The following NMRK1 variants were observed in gnomAD, a reference collection of about 807,000 sequenced individuals.
The protein encoded by NMRK1 is nicotinamide riboside kinase 1, also known as NRK 1.
NMRK1 carries 28 observed loss-of-function variants against 29.9 expected under a neutral mutation model. That is an observed-to-expected ratio of 0.94 (90% CI 0.69 to 1.28). The LOEUF (loss-of-function observed/expected upper bound fraction) is 1.28. Among genes scored for constraint, NMRK1 ranks in the 50% most tolerant of loss-of-function variants. The pLI is 0.00. For missense variants in NMRK1, 218 were observed against 233.1 expected, an observed-to-expected ratio of 0.94 and a Z score of 0.42; for synonymous variants, 58 against 73.0, an observed-to-expected ratio of 0.79 and a Z score of 1.05.
chr9:75,072,887 T>C (rs1823777901), intron 4 of NMRK1, among the ~76,000 whole-genome samples: 1 of 152,216 alleles, frequency 6.6e-6, no homozygotes, highest in African/African-American at 2.4e-5. Context: ...ATTCTGCTGT[T>C]ATTAGGTGCA....
intron 4 of NMRK1, among the ~76,000 whole-genome samples, chr9:75,073,921 C>T (rs971251379): frequency 1.4e-4 from 22 of 152,284 alleles, no homozygotes; most frequent in Middle Eastern, 3.4e-3. Context: ...CTCAGTAATA[C>T]TCAGCCTTAA....
intron 1 of NMRK1, among the ~76,000 whole-genome samples, chr9:75,085,297 C>T (rs1441197311): frequency 5.9e-5 from 9 of 152,148 alleles, no homozygotes; most frequent in Non-Finnish European, 1.2e-4. Context: ...GAGCAATTTG[C>T]CTAAGGTCAC....
chr9:75,071,306 T>C (rs1457132603), intron 4 of NMRK1, among the ~76,000 whole-genome samples: 1 of 152,252 alleles, frequency 6.6e-6, no homozygotes, highest in Non-Finnish European at 1.5e-5. Flanking sequence ...AAATTTTGGT[T>C]AATGTATTTT....
chr9:75,074,501 C>T (rs1468041502), intron 4 of NMRK1, among the ~76,000 whole-genome samples: 1 of 152,116 alleles, frequency 6.6e-6, no homozygotes, highest in Non-Finnish European at 1.5e-5. Flanking sequence ...AGCCTCTCGC[C>T]TCAGTCTCCT....
intron 4 of NMRK1, among the ~76,000 whole-genome samples, chr9:75,073,296 G>A (rs1023811137): frequency 2.6e-5 from 4 of 152,226 alleles, no homozygotes; most frequent in African/African-American, 9.6e-5. Context: ...CTCCCTCACA[G>A]CCTCAGAGGG....
intron 8 of NMRK1, among the ~76,000 whole-genome samples, chr9:75,066,103 G>C (rs2376396): frequency 0.14 from 20,946 of 152,090 alleles, 1,793 homozygotes; most frequent in Non-Finnish European, 0.19. Context: ...TGTGAAAAAC[G>C]AGACCTTGGT....
At chr9:75,076,997 A>G (rs1824027756) in intron 4 of NMRK1, among the ~76,000 whole-genome samples, 162 bp downstream of exon 4, 1 of 152,242 alleles carries the variant, frequency 6.6e-6, no homozygotes, top group African/African-American at 2.4e-5. Flanking sequence ...AAGTACAACA[A>G]TATATTTAAA....
At chr9:75,085,937 G>T in intron 1 of NMRK1, among the ~76,000 whole-genome samples, 1 of 98,194 alleles carries the variant, frequency 1.0e-5, no homozygotes, top group Non-Finnish European at 1.9e-5. Context: ...GGGCGGGGTG[G>T]GGGGTGGGCC....
Position 75,061,359 on chromosome 9 carries a change from T to G in NMRK1, c.*189A>C. On this transcript the variant is annotated 3_prime_UTR_variant, in exon 9 of 9. Coordinates refer to ENST00000361092, the MANE Select transcript of NMRK1 (RefSeq NM_017881.3). ...CTGGAGAGGGAGCAACTTGCTAAGG[T>G]ACAGTCCTGTCCATTGGCATGGATA... The G allele has an allele frequency of 1.7e-6, 1 of 581,038 alleles. No homozygotes were observed. The highest frequency in any genetic ancestry group is 3.0e-6 in the Non-Finnish European group (1 of 329,254). The allele number at this position is 581,038 out of a possible 1,614,324, so 36.0% of individuals were successfully genotyped here. A position where few individuals can be genotyped will look rare whatever the true frequency, so the allele number is the denominator to read the frequency against.
At chr9:75,071,693 G>C (rs994013496) in intron 4 of NMRK1, among the ~76,000 whole-genome samples, 1 of 152,136 alleles carries the variant, frequency 6.6e-6, no homozygotes, top group Non-Finnish European at 1.5e-5. Context: ...CTTCCTGCTA[G>C]GCCCTGCTGA....
chr9:75,077,103 G>T, intron 4 of NMRK1, 56 bp downstream of exon 4: 5 of 1,100,514 alleles, frequency 4.5e-6, no homozygotes, highest in Non-Finnish European at 6.8e-6. Flanking sequence ...AGTTCTTTGG[G>T]TTTGAAAAAG....
At chr9:75,081,470 G>C (rs1753967891) in intron 2 of NMRK1, among the ~76,000 whole-genome samples, 1 of 152,210 alleles carries the variant, frequency 6.6e-6, no homozygotes, top group South Asian at 2.1e-4. Flanking sequence ...CTAAATAAAA[G>C]ATAGTGGAAA....
intron 4 of NMRK1, among the ~76,000 whole-genome samples, chr9:75,070,767 T>G (rs953867038): frequency 3.6e-4 from 55 of 152,360 alleles, no homozygotes; most frequent in African/African-American, 1.3e-3. Context: ...GATTAATTTA[T>G]TTAATAGACA....
intron 8 of NMRK1, 124 bp from the exon 9 acceptor site, chr9:75,061,691 G>T: frequency 1.3e-6 from 1 of 748,058 alleles, no homozygotes; most frequent in South Asian, 1.8e-5. Flanking sequence ...CAAAAATGCT[G>T]GTTTCCTGTA....
chr9:75,069,975 G>C lies in NMRK1; in HGVS notation c.237C>G (p.His79Gln). 2 of 1,613,938 alleles carry C rather than the reference G, an allele frequency of 1.2e-6. No individual in the cohort carries two copies. The highest frequency in any genetic ancestry group is 2.2e-5 in the South Asian group (2 of 91,050). ...AISCWMESAR[H>Q]SVVSTDQESA... ...TTTCCTGGTCTGTTGATACCACAGA[G>C]TGTCTTGCGCTTTCCATCCAGCAGG... is the stretch of plus-strand genomic sequence containing the variant. Residue 79 changes from histidine to glutamine, a missense_variant, in exon 5 of 9, where the codon CAC (histidine) becomes CAG (glutamine). By Grantham distance (24) the His-to-Gln change is conservative. Coordinates refer to ENST00000361092, the MANE Select transcript of NMRK1 (RefSeq NM_017881.3).
In NMRK1 at chr9:75,061,484, G is replaced by A. The variant is rs1208863130; in HGVS notation, c.*64C>T. 4 of 1,258,830 alleles carry A rather than the reference G, an allele frequency of 3.2e-6. No homozygotes were observed. Among genetic ancestry groups the A allele is most frequent in the African/African-American group, 3.0e-5 (2 of 66,852 alleles). The allele number at this position is 1,258,830 out of a possible 1,614,324, so 78.0% of individuals were successfully genotyped here. ...ACAGTATACATTGTATCTTGGTGAA[G>A]GTTCTTAAATTACTCCTTGGAGTTT... On this transcript the variant is annotated 3_prime_UTR_variant, in exon 9 of 9. Coordinates refer to ENST00000361092, the MANE Select transcript of NMRK1 (RefSeq NM_017881.3).
intron 8 of NMRK1, among the ~76,000 whole-genome samples, chr9:75,063,654 G>A (rs969156364): frequency 2.6e-5 from 4 of 151,806 alleles, no homozygotes; most frequent in African/African-American, 9.7e-5. Flanking sequence ...ATGATTTTAT[G>A]TACTTAAGAC....
intron 8 of NMRK1, chr9:75,066,306 C>T: frequency 1.9e-6 from 1 of 516,692 alleles, no homozygotes; most frequent in Non-Finnish European, 3.9e-6. Flanking sequence ...AAACCTTAAA[C>T]AAACACTTCA....
At chr9:75,064,351 C>T (rs1394909627) in intron 8 of NMRK1, among the ~76,000 whole-genome samples, 1 of 152,082 alleles carries the variant, frequency 6.6e-6, no homozygotes, top group African/African-American at 2.4e-5. Context: ...CTGGAAGTGC[C>T]TCATTAGGGA....
Sources: allele counts gnomAD v4.1 joint callset (sites outside exome capture counted in the v4.1 genomes callset), GRCh38; gene constraint gnomAD v4.1.1; transcripts MANE v1.5; gene names NCBI Gene and HGNC (gene_info 2026-07-23, HGNC 2026-07-21).